EDEM2: variants seen among roughly 807,000 people sequenced by gnomAD.
EDEM2 encodes the protein ER degradation enhancing alpha-mannosidase like protein 2.
Under a neutral mutation model 64.8 loss-of-function variants are expected in EDEM2, and 39 were observed. The observed-to-expected ratio is 0.60, with a 90% CI of 0.47 to 0.79. The LOEUF (loss-of-function observed/expected upper bound fraction) is 0.79, where lower values mean the gene tolerates loss of function less well. EDEM2 is among the 30% of genes least tolerant of loss of function. The probability of loss-of-function intolerance (pLI) is 0.00; values close to 1 mark genes in which losing one functional copy is unlikely to be tolerated. For missense variants in EDEM2, 609 were observed against 731.3 expected, an observed-to-expected ratio of 0.83 and a Z score of 1.93; for synonymous variants, 296 against 291.5, an observed-to-expected ratio of 1.02 and a Z score of -0.16.
Position 35,115,744 on chromosome 20 carries a change from C to T in EDEM2, c.1426G>A (p.Glu476Lys). The change falls in exon 11 of 11, where the codon GAA (glutamate) becomes AAA (lysine). Residue 476 changes from glutamate to lysine, a missense_variant. Glu to Lys is a moderately conservative substitution (Grantham distance 56, BLOSUM62 1). Transcript: ENST00000374492. ...GCGGCAGGGTCGATGGGGTGAGCTT[C>T]TGTGTTGAAGATGTACCCCCCAGCC... is the stretch of plus-strand genomic sequence containing the variant. Reference protein sequence around the residue: ...LGAGGYIFNTEAHPIDPAALH... With the variant: ...LGAGGYIFNTKAHPIDPAALH... 4 of 1,614,246 alleles carry T rather than the reference C, an allele frequency of 2.5e-6. No homozygotes were observed. Among genetic ancestry groups the T allele is most frequent in the Non-Finnish European group, 3.4e-6 (4 of 1,180,046 alleles).
intron 9 of EDEM2, 150 bp downstream of exon 9, chr20:35,123,740 T>C: frequency 1.0e-6 from 1 of 977,282 alleles, no homozygotes; most frequent in Non-Finnish European, 1.5e-6. Flanking sequence ...AATTAACTCC[T>C]AGTAAGAAAA....
At chr20:35,123,855 C>T in intron 9 of EDEM2, 35 bp downstream of exon 9, 1 of 1,609,036 alleles carries the variant, frequency 6.2e-7, no homozygotes. Flanking sequence ...CAACCAGAGC[C>T]TGTGGGCAGA....
At chr20:35,145,041 G>C in intron 2 of EDEM2, 23 bp from the exon 3 acceptor site, 1 of 1,613,538 alleles carries the variant, frequency 6.2e-7, no homozygotes. Context: ...AGAAATCCCA[G>C]CCGCTTAGTA....
intron 4 of EDEM2, among the ~76,000 whole-genome samples, chr20:35,140,033 A>G (rs2085631669): frequency 6.6e-6 from 1 of 152,246 alleles, no homozygotes; most frequent in African/African-American, 2.4e-5. Context: ...CCCAGCAAAA[A>G]TATCACTCAA....
chr20:35,133,371 T>C (rs74807406), intron 6 of EDEM2, among the ~76,000 whole-genome samples: 1 of 151,964 alleles, frequency 6.6e-6, no homozygotes, highest in East Asian at 1.9e-4. Flanking sequence ...TGAGAGGATA[T>C]GGGCATGGCA....
chr20:35,133,053 G>A (rs1038956963), intron 6 of EDEM2, among the ~76,000 whole-genome samples: 6 of 152,168 alleles, frequency 3.9e-5, no homozygotes, highest in Admixed American at 1.3e-4. Flanking sequence ...CATTTAAGGG[G>A]TATGCCATCA....
At chr20:35,134,050 T>C (rs1387950283) in intron 6 of EDEM2, 3 of 455,034 alleles carry the variant, frequency 6.6e-6, no homozygotes, top group Non-Finnish European at 1.3e-5. Context: ...CTGGATGGCT[T>C]TGGCTCAATT....
At chr20:35,144,588 C>T (rs2085703570) in intron 3 of EDEM2, among the ~76,000 whole-genome samples, 1 of 152,176 alleles carries the variant, frequency 6.6e-6, no homozygotes, top group Non-Finnish European at 1.5e-5. Context: ...CCTGCCTCGG[C>T]CTTCCAAAGT....
At chr20:35,145,600 C>T (rs991297156) in intron 2 of EDEM2, among the ~76,000 whole-genome samples, 2 of 152,134 alleles carry the variant, frequency 1.3e-5, no homozygotes, top group Admixed American at 6.5e-5. Context: ...TGACAGAAAG[C>T]AGACAGCAAT....
chr20:35,117,278 A>G (rs1363507498), intron 10 of EDEM2: 2 of 152,218 alleles, frequency 1.3e-5, no homozygotes, highest in African/African-American at 4.8e-5. Flanking sequence ...TGCTACAAAC[A>G]TTTATTTTAG....
Position 35,147,211 on chromosome 20 carries a change from C to G in EDEM2, c.48G>C (p.Leu16=). ...LIPLGLLCAL[L]PQHHGAPGPD... is the part of the protein sequence containing the mutation. ...GACCTGGCGCACCATGGTGCTGAGGCAGCAGCGCGCACAGGAGGCCGAGCG... is the reference window on the plus strand; with the variant it reads ...GACCTGGCGCACCATGGTGCTGAGGGAGCAGCGCGCACAGGAGGCCGAGCG... Residue 16 remains leucine (L), a synonymous_variant, in exon 1 of 11, where the codon CTG becomes CTC. Coordinates refer to ENST00000374492, the MANE Select transcript of EDEM2 (RefSeq NM_018217.3). 1.2e-6 allele frequency: 2 copies of G among 1,601,342 alleles called. No homozygotes were observed. Among genetic ancestry groups the G allele is most frequent in the Non-Finnish European group, 1.7e-6 (2 of 1,172,282 alleles).
At chr20:35,128,565 TA>T (rs34451037) in intron 7 of EDEM2, among the ~76,000 whole-genome samples, 2,050 of 77,960 alleles carry the variant, frequency 0.026, 103 homozygotes, top group African/African-American at 0.058. Context: ...AAACTCTGTC[TA>T]AAAAAAAAAA....
intron 3 of EDEM2, among the ~76,000 whole-genome samples, 183 bp downstream of exon 3, chr20:35,144,796 T>C (rs563342578): frequency 6.6e-6 from 1 of 152,316 alleles, no homozygotes; most frequent in South Asian, 2.1e-4. Context: ...TGAATCTGCA[T>C]AAGTTGTAGT....
At chr20:35,133,170 G>A (rs2085529540) in intron 6 of EDEM2, among the ~76,000 whole-genome samples, 1 of 152,082 alleles carries the variant, frequency 6.6e-6, no homozygotes, top group South Asian at 2.1e-4. Flanking sequence ...CAGGGAACTG[G>A]AATGTTTATC....
chr20:35,124,997 C>T (rs906530873), intron 8 of EDEM2, among the ~76,000 whole-genome samples: 3 of 152,192 alleles, frequency 2.0e-5, no homozygotes, highest in Non-Finnish European at 4.4e-5. Flanking sequence ...GTAGCCATTA[C>T]TATTAATGTA....
chr20:35,137,211 A>G (rs1009733453), intron 5 of EDEM2, among the ~76,000 whole-genome samples: 1 of 152,204 alleles, frequency 6.6e-6, no homozygotes, highest in African/African-American at 2.4e-5. Flanking sequence ...TGAGGTCAAG[A>G]GTTTGAGACC....
chr20:35,133,733 C>T (rs2085538142), intron 6 of EDEM2, among the ~76,000 whole-genome samples: 1 of 152,188 alleles, frequency 6.6e-6, no homozygotes, highest in African/African-American at 2.4e-5. Flanking sequence ...TCCCAAAGTG[C>T]TGGAATTACA....
intron 2 of EDEM2, among the ~76,000 whole-genome samples, chr20:35,146,516 C>T (rs1237040277): frequency 2.0e-5 from 3 of 152,190 alleles, no homozygotes; most frequent in Non-Finnish European, 4.4e-5. Flanking sequence ...TTTTCTAATT[C>T]TTGGAGCCCT....
chr20:35,116,368 C>A (rs1232151200), intron 10 of EDEM2, among the ~76,000 whole-genome samples: 3 of 152,112 alleles, frequency 2.0e-5, no homozygotes, highest in Non-Finnish European at 4.4e-5. Context: ...TTCTGTGAGC[C>A]CTCCATTTCA....
Sources: allele counts gnomAD v4.1 joint callset (sites outside exome capture counted in the v4.1 genomes callset), GRCh38; gene constraint gnomAD v4.1.1; transcripts MANE v1.5; gene names NCBI Gene and HGNC (gene_info 2026-07-23, HGNC 2026-07-21).